Variants in CSMD2 observed in about 807,000 individuals in gnomAD.
The protein encoded by CSMD2 is CUB and Sushi multiple domains 2.
CSMD2 carries 130 observed loss-of-function variants against 398.5 expected under a neutral mutation model. That is an observed-to-expected ratio of 0.33 (90% CI 0.28 to 0.38). The LOEUF is 0.38. Ranked by LOEUF, CSMD2 falls within the 10% of genes least tolerant of loss-of-function variation. The pLI, the probability that CSMD2 is intolerant of heterozygous loss-of-function variation, is 1.00. For missense variants in CSMD2, 3,829 were observed against 4,764.9 expected, an observed-to-expected ratio of 0.80 and a Z score of 5.78; for synonymous variants, 1,828 against 1,908.5, an observed-to-expected ratio of 0.96 and a Z score of 1.10.
chr1:34,117,620 T>C (rs1661736227), intron 1 of CSMD2, among the ~76,000 whole-genome samples: 1 of 151,664 alleles, frequency 6.6e-6, no homozygotes, highest in Non-Finnish European at 1.5e-5. Flanking sequence ...AGCCTAGCAT[T>C]ACCCTAATAC....
chr1:34,140,455 C>G (rs1472134765), intron 1 of CSMD2, among the ~76,000 whole-genome samples: 1 of 152,200 alleles, frequency 6.6e-6, no homozygotes, highest in Non-Finnish European at 1.5e-5. Flanking sequence ...CACCTGCAGC[C>G]TCACCAAGAG....
At chr1:33,641,492 A>G (rs1643105769) in intron 29 of CSMD2, among the ~76,000 whole-genome samples, 1 of 152,188 alleles carries the variant, frequency 6.6e-6, no homozygotes, top group Admixed American at 6.5e-5. Context: ...CCATTTTGGT[A>G]ACTGTATCCA....
At chr1:33,970,278 C>G (rs774411669) in intron 3 of CSMD2, among the ~76,000 whole-genome samples, 21 of 152,152 alleles carry the variant, frequency 1.4e-4, no homozygotes, top group South Asian at 4.1e-4. Flanking sequence ...CTCTTACACA[C>G]CAGACCTCTA....
intron 27 of CSMD2, among the ~76,000 whole-genome samples, chr1:33,654,861 T>G (rs549600071): frequency 2.0e-5 from 3 of 152,190 alleles, no homozygotes; most frequent in Non-Finnish European, 4.4e-5. Flanking sequence ...ACAGATGGGG[T>G]GAGTCTCTGT....
intron 1 of CSMD2, among the ~76,000 whole-genome samples, chr1:34,108,730 G>A (rs1204006826): frequency 6.6e-6 from 1 of 152,168 alleles, no homozygotes; most frequent in East Asian, 1.9e-4. Context: ...AGAAGAGAGA[G>A]CACTGCAGCT....
At chr1:33,982,265 G>A (rs141592153) in intron 3 of CSMD2, among the ~76,000 whole-genome samples, 38 of 152,226 alleles carry the variant, frequency 2.5e-4, no homozygotes, top group Middle Eastern at 3.4e-3. Context: ...GAACCAGGGC[G>A]GGAGGAAGGA....
At chr1:33,720,222 A>G (rs1247297849) in intron 19 of CSMD2, among the ~76,000 whole-genome samples, 2 of 152,254 alleles carry the variant, frequency 1.3e-5, no homozygotes, top group Non-Finnish European at 2.9e-5. Context: ...TGTGCCGGGC[A>G]TAGAGCCAGA....
chr1:33,878,007 C>G (rs1302697179), intron 5 of CSMD2, among the ~76,000 whole-genome samples: 1 of 152,042 alleles, frequency 6.6e-6, no homozygotes, highest in Non-Finnish European at 1.5e-5. Context: ...GATGTGGAAA[C>G]TGGGAGTTGG....
chr1:33,757,668 C>T (rs914752302), intron 13 of CSMD2, among the ~76,000 whole-genome samples: 6 of 152,214 alleles, frequency 3.9e-5, no homozygotes, highest in Admixed American at 6.5e-5. Context: ...CCCACCGGCA[C>T]CTCAAATGCA....
chr1:34,035,368 G>A (rs1337421798), intron 2 of CSMD2, among the ~76,000 whole-genome samples: 1 of 152,040 alleles, frequency 6.6e-6, no homozygotes, highest in Non-Finnish European at 1.5e-5. Context: ...TATGAGGCCA[G>A]TATTACTCTG....
At chr1:33,552,289 CT>C (rs1657528931) in intron 55 of CSMD2, among the ~76,000 whole-genome samples, 1 of 152,108 alleles carries the variant, frequency 6.6e-6, no homozygotes, top group Non-Finnish European at 1.5e-5. Context: ...AATTGTAATC[CT>C]TATACACTGC....
intron 62 of CSMD2, among the ~76,000 whole-genome samples, chr1:33,535,499 A>G (rs1258094678): frequency 6.6e-6 from 1 of 152,018 alleles, no homozygotes; most frequent in Admixed American, 6.6e-5. Flanking sequence ...TAATTCATTC[A>G]TTTTCTTTGC....
At chr1:33,863,237 T>A (rs1375837344) in intron 5 of CSMD2, 4 of 152,214 alleles carry the variant, frequency 2.6e-5, no homozygotes, top group Non-Finnish European at 5.9e-5. Flanking sequence ...CACTTTTTCA[T>A]CTTTTCTCTT....
At chr1:33,811,333 C>T (rs560922005) in intron 9 of CSMD2, among the ~76,000 whole-genome samples, 1 of 152,316 alleles carries the variant, frequency 6.6e-6, no homozygotes, top group Admixed American at 6.5e-5. Flanking sequence ...CCTAATGCTG[C>T]TTAACTAGGA....
At chr1:34,034,071 A>G (rs1050587228) in intron 2 of CSMD2, among the ~76,000 whole-genome samples, 8 of 152,170 alleles carry the variant, frequency 5.3e-5, no homozygotes, top group African/African-American at 1.9e-4. Flanking sequence ...ACTCTCTCTC[A>G]TCAAAAATGT....
intron 8 of CSMD2, among the ~76,000 whole-genome samples, 161 bp downstream of exon 8, chr1:33,820,308 A>G (rs1657962839): frequency 6.6e-6 from 1 of 152,144 alleles, no homozygotes; most frequent in Admixed American, 6.5e-5. Context: ...GGACTGAACC[A>G]GGAGAGAATG....
intron 12 of CSMD2, among the ~76,000 whole-genome samples, chr1:33,774,523 G>T (rs866119465): frequency 6.6e-5 from 10 of 152,164 alleles, no homozygotes; most frequent in African/African-American, 1.9e-4. Context: ...TGCTCTCTGG[G>T]ATGCGAGAGC....
At chr1:34,165,257 G>A, upstream of CSMD2, 2 of 1,184,542 alleles carry the variant, frequency 1.7e-6, no homozygotes, top group Non-Finnish European at 2.1e-6. Context: ...CGGCCGGGGA[G>A]AGGCGCGCTG....
intron 3 of CSMD2, among the ~76,000 whole-genome samples, chr1:33,953,529 C>T (rs1203279066): frequency 6.6e-6 from 1 of 152,194 alleles, no homozygotes; most frequent in South Asian, 2.1e-4. Flanking sequence ...CTCTGTAGCT[C>T]ATAGTCCTTA....
Sources: allele counts gnomAD v4.1 joint callset (sites outside exome capture counted in the v4.1 genomes callset), GRCh38; gene constraint gnomAD v4.1.1; transcripts MANE v1.5; gene names NCBI Gene and HGNC (gene_info 2026-07-23, HGNC 2026-07-21).